Variants in ARB2A observed in about 807,000 individuals in gnomAD.
ARB2A encodes the protein ARB2 cotranscriptional regulator A.
chr5:94,018,010 C>T, the ARB2A span, among the ~76,000 whole-genome samples: 1 of 152,150 alleles, frequency 6.6e-6, no homozygotes, highest in Non-Finnish European at 1.5e-5. Context: ...CCTCATTGTT[C>T]TCTTGCTGCC....
chr5:93,944,648 G>T, the ARB2A span, among the ~76,000 whole-genome samples: 2 of 151,522 alleles, frequency 1.3e-5, no homozygotes, highest in African/African-American at 2.4e-5. Flanking sequence ...AGGGAGGAGG[G>T]AGAAAAGGAG....
the ARB2A span, among the ~76,000 whole-genome samples, chr5:93,797,055 A>C: frequency 6.6e-6 from 1 of 152,152 alleles, no homozygotes; most frequent in Non-Finnish European, 1.5e-5. Flanking sequence ...AGTGAACCAT[A>C]AACAGTCCAC....
the ARB2A span, among the ~76,000 whole-genome samples, chr5:94,028,583 CCTT>C: frequency 6.6e-6 from 1 of 152,152 alleles, no homozygotes; most frequent in Non-Finnish European, 1.5e-5. Context: ...ACAAGAACCT[CCTT>C]CAAGCTTCCT....
At chr5:93,718,119 C>G in the ARB2A span, among the ~76,000 whole-genome samples, 28 of 151,998 alleles carry the variant, frequency 1.8e-4, no homozygotes, top group Non-Finnish European at 3.1e-4. Flanking sequence ...GTGAACCACC[C>G]CGCCTGGCCA....
the ARB2A span, among the ~76,000 whole-genome samples, chr5:94,035,531 A>C: frequency 6.6e-6 from 1 of 152,182 alleles, no homozygotes. Context: ...CAGTAAGTTA[A>C]TTTTAACATT....
the ARB2A span, among the ~76,000 whole-genome samples, chr5:93,644,647 G>A: frequency 5.5e-4 from 83 of 152,162 alleles, no homozygotes; most frequent in Middle Eastern, 6.8e-3. Flanking sequence ...ATTTCTGCAG[G>A]GGTTTCCTTT....
the ARB2A span, among the ~76,000 whole-genome samples, chr5:93,940,269 T>C: frequency 2.0e-5 from 3 of 152,044 alleles, no homozygotes; most frequent in Non-Finnish European, 4.4e-5. Flanking sequence ...AGTATACCAA[T>C]TGTATTCCAC....
the ARB2A span, among the ~76,000 whole-genome samples, chr5:94,097,318 T>C: frequency 2.6e-5 from 4 of 152,276 alleles, no homozygotes; most frequent in Middle Eastern, 6.8e-3. Context: ...CACTTTCCAA[T>C]GGCCACCCCC....
the ARB2A span, among the ~76,000 whole-genome samples, chr5:93,658,517 T>C: frequency 2.1e-4 from 32 of 152,124 alleles, no homozygotes; most frequent in African/African-American, 7.5e-4. Flanking sequence ...ATTTTTTCTA[T>C]GAGCTGCAGA....
chr5:93,851,777 A>G, the ARB2A span, among the ~76,000 whole-genome samples: 6 of 152,164 alleles, frequency 3.9e-5, no homozygotes, highest in African/African-American at 1.4e-4. Flanking sequence ...TACAAAGGAC[A>G]TGAACTCATC....
chr5:93,977,123 A>C, the ARB2A span, among the ~76,000 whole-genome samples: 65 of 152,274 alleles, frequency 4.3e-4, no homozygotes, highest in Non-Finnish European at 8.4e-4. Context: ...ATGGAAAAGA[A>C]TTTCATGCTA....
chr5:93,683,570 C>A, the ARB2A span: 1 of 1,445,714 alleles, frequency 6.9e-7, no homozygotes, highest in South Asian at 1.1e-5. Context: ...TGCACCAGCC[C>A]TAAACTGGCC....
the ARB2A span, among the ~76,000 whole-genome samples, chr5:93,623,426 C>G: frequency 6.6e-6 from 1 of 152,206 alleles, no homozygotes. Context: ...CCTCCCACCC[C>G]TTGAAACCAA....
chr5:94,013,181 T>C, the ARB2A span, among the ~76,000 whole-genome samples: 1 of 149,736 alleles, frequency 6.7e-6, no homozygotes, highest in Non-Finnish European at 1.5e-5. Context: ...TTGTTTTTTT[T>C]TTTTTTTTTT....
chr5:94,096,978 C>T, the ARB2A span, among the ~76,000 whole-genome samples: 6 of 152,266 alleles, frequency 3.9e-5, no homozygotes, highest in Non-Finnish European at 7.4e-5. Context: ...ACTCAATGAC[C>T]CCCATGGACA....
the ARB2A span, among the ~76,000 whole-genome samples, chr5:93,843,857 T>C: frequency 6.6e-6 from 1 of 151,858 alleles, no homozygotes; most frequent in East Asian, 1.9e-4. Flanking sequence ...AGTTGTATAA[T>C]GAGAAAACAG....
At chr5:93,624,058 C>G in the ARB2A span, among the ~76,000 whole-genome samples, 3 of 152,082 alleles carry the variant, frequency 2.0e-5, no homozygotes, top group Admixed American at 2.0e-4. Context: ...TGAATGGAAA[C>G]TTTTGAGAGC....
At chr5:94,081,825 T>C in the ARB2A span, among the ~76,000 whole-genome samples, 1 of 152,188 alleles carries the variant, frequency 6.6e-6, no homozygotes, top group African/African-American at 2.4e-5. Flanking sequence ...TCTCCAACTC[T>C]TTTCTACAGC....
the ARB2A span, among the ~76,000 whole-genome samples, chr5:93,635,303 G>A: frequency 6.6e-6 from 1 of 152,050 alleles, no homozygotes; most frequent in Non-Finnish European, 1.5e-5. Flanking sequence ...AACTAGTTAA[G>A]CATTGAGATA....
Sources: gnomAD v4.1 joint callset for allele counts (sites outside exome capture counted in the v4.1 genomes callset) on GRCh38, gnomAD v4.1.1 for gene constraint, MANE v1.5 for transcripts, NCBI Gene and HGNC (gene_info 2026-07-23, HGNC 2026-07-21) for gene names.